The following STARD9 variants were observed in gnomAD, a reference collection of about 807,000 sequenced individuals.
STARD9 encodes StAR related lipid transfer domain containing 9.
STARD9 carries 346 observed loss-of-function variants against 399.8 expected under a neutral mutation model. The observed-to-expected ratio is 0.87, with a 90% CI of 0.79 to 0.95. The LOEUF (loss-of-function observed/expected upper bound fraction) is 0.95. Among genes scored for constraint, STARD9 ranks in the 40% least tolerant of loss-of-function variants. The pLI, the probability that STARD9 is intolerant of heterozygous loss-of-function variation, is 0.00. For missense variants in STARD9, 5,832 were observed against 5,667.5 expected (o/e 1.03, Z -0.93); for synonymous variants, 2,203 against 2,143.5 (o/e 1.03, Z -0.77).
intron 3 of STARD9, among the ~76,000 whole-genome samples, chr15:42,597,540 G>C (rs1299024169): frequency 4.0e-5 from 6 of 151,414 alleles, no homozygotes; most frequent in Admixed American, 4.0e-4. Context: ...GCTAATTTTT[G>C]TTTGTTTGTT....
In STARD9 at chr15:42,719,966, G is replaced by C; in HGVS notation, c.*392G>C. 5.8e-6 allele frequency: 1 copy of C among 173,420 alleles called. No individual in the cohort carries two copies. The highest frequency in any genetic ancestry group is 1.2e-5 in the Non-Finnish European group (1 of 81,854). The allele number at this position is 173,420 out of a possible 1,614,324, so 10.7% of individuals were successfully genotyped here. On this transcript the variant is annotated 3_prime_UTR_variant, in exon 33 of 33. Coordinates refer to ENST00000290607, the MANE Select transcript of STARD9 (RefSeq NM_020759.3). ...GGCAAGGTGCTTCCGCAGGCTGGTAGGGAAGCAGGCAGCCACTGGCCAAGA... is the reference window on the plus strand; with the variant it reads ...GGCAAGGTGCTTCCGCAGGCTGGTACGGAAGCAGGCAGCCACTGGCCAAGA...
chr15:42,586,140 G>C (rs1367906740), intron 3 of STARD9, among the ~76,000 whole-genome samples: 2 of 152,166 alleles, frequency 1.3e-5, no homozygotes, highest in Non-Finnish European at 2.9e-5. Flanking sequence ...GATTCAGGTG[G>C]GTATAAGTTA....
At chr15:42,649,154 C>T (rs1331225287) in intron 7 of STARD9, among the ~76,000 whole-genome samples, 4 of 152,114 alleles carry the variant, frequency 2.6e-5, no homozygotes, top group Admixed American at 6.5e-5. Flanking sequence ...CTTAGCCTCC[C>T]GAGTAGCTGG....
At chr15:42,653,153 G>A (rs981893680) in intron 9 of STARD9, among the ~76,000 whole-genome samples, 1 of 152,110 alleles carries the variant, frequency 6.6e-6, no homozygotes, top group African/African-American at 2.4e-5. Context: ...ATTTTAAAAC[G>A]CTTTCACATC....
chr15:42,693,971 C>T lies in STARD9; in HGVS notation c.12393C>T (p.His4131=), dbSNP rs1396378032. ...QMCMAPEHQH[H]SLRDLPVHNK... The stretch of plus-strand genomic sequence containing the variant: ...GCATGGCCCCTGAGCACCAGCACCA[C>T]AGTCTGAGGGACCTCCCGGTGCATA... Residue 4131 remains histidine (H), a synonymous_variant, in exon 23 of 33, where the codon CAC becomes CAT. Coordinates refer to ENST00000290607, the MANE Select transcript of STARD9 (RefSeq NM_020759.3). 104 of 1,506,428 alleles carry T rather than the reference C, an allele frequency of 6.9e-5. No homozygotes were observed. The highest frequency in any genetic ancestry group is 8.9e-5 in the Non-Finnish European group (101 of 1,129,468). The allele number at this position is 1,506,428 out of a possible 1,614,324, so 93.3% of individuals were successfully genotyped here. A position where few individuals can be genotyped will look rare whatever the true frequency, so the allele number is the denominator to read the frequency against.
chr15:42,675,943 G>C lies in STARD9; in HGVS notation c.1842G>C (p.Arg614=). 7.8e-6 allele frequency: 12 copies of C among 1,536,790 alleles called. No homozygotes were observed. Among genetic ancestry groups the C allele is most frequent in the Non-Finnish European group, 1.0e-5 (12 of 1,146,826 alleles). The change falls in exon 20 of 33, where the codon CGG becomes CGC. Residue 614 remains arginine (R), a synonymous_variant. Coordinates refer to ENST00000290607, the MANE Select transcript of STARD9 (RefSeq NM_020759.3). ...LDLDGDLAAS[R]LGLSPLLWKE... is the part of the protein sequence containing the mutation. ...TGGATGGAGATCTCGCTGCCTCCCG[G>C]CTGGGTCTCTCCCCTTTGCTTTGGA...
Position 42,688,046 on chromosome 15 carries a change from A to G in STARD9, c.6468A>G (p.Glu2156=), listed in dbSNP as rs982697153. Residue 2156 remains glutamate, a synonymous_variant, in exon 23 of 33, where the codon GAA becomes GAG. Transcript: ENST00000290607. ...CCCCAAACCCCTTCAGGTCAAGGGA[A>G]GGTGTACGAGAGAGTGAACCTGTGA... ...KITPNPFRSR[E]GVRESEPVRE... 5 of 1,537,340 alleles carry G rather than the reference A, an allele frequency of 3.3e-6. No homozygotes were observed. The African/African-American group carries it at 5.5e-5, about 17-fold the overall frequency.
Position 42,692,640 on chromosome 15 carries a change from C to T in STARD9, c.11062C>T (p.Leu3688=). The part of the protein sequence containing the change: ...HNLSLHLSQL[L]HSTSELLGSL... Reference sequence around the variant, plus strand: ...TCTGTCTCTCCACCTCTCACAGCTCCTGCACAGTACCTCAGAGCTGCTTGG... The same window carrying T: ...TCTGTCTCTCCACCTCTCACAGCTCTTGCACAGTACCTCAGAGCTGCTTGG... The change falls in exon 23 of 33, where the codon CTG becomes TTG. Residue 3688 remains leucine (L), a synonymous_variant. Coordinates refer to ENST00000290607, the MANE Select transcript of STARD9 (RefSeq NM_020759.3). 2.6e-6 allele frequency: 4 copies of T among 1,537,228 alleles called. No individual in the cohort carries two copies. The highest frequency in any genetic ancestry group is 3.5e-6 in the Non-Finnish European group (4 of 1,146,916).
intron 3 of STARD9, among the ~76,000 whole-genome samples, chr15:42,586,738 T>C (rs1402826215): frequency 2.0e-5 from 3 of 152,144 alleles, no homozygotes; most frequent in East Asian, 1.9e-4. Flanking sequence ...GAAATAGAAA[T>C]ATTTTTGGGG....
At position 42,687,439 on chromosome 15, in the gene STARD9, G is replaced by C. The variant is rs1189999169; in HGVS notation, c.5861G>C (p.Arg1954Pro). 1.3e-6 allele frequency: 2 copies of C among 1,537,184 alleles called. No homozygotes were observed. The highest frequency in any genetic ancestry group is 2.7e-5 in the African/African-American group (2 of 73,176). Residue 1954 changes from arginine to proline, a missense_variant, in exon 23 of 33, where the codon CGT (arginine) becomes CCT (proline). Arg to Pro is a moderately radical substitution (Grantham distance 103, BLOSUM62 -2). This residue lies in a region of STARD9 where 5,828 missense variants were observed against 5,651.1 expected (regional missense o/e 1.03). Coordinates refer to ENST00000290607, the MANE Select transcript of STARD9 (RefSeq NM_020759.3). ...AVSLKSRSVD[R>P]RVSSPVMVAQ... ...TCTTTGAAATCCAGATCAGTAGATC[G>C]TAGAGTAAGCAGCCCAGTGATGGTG...
chr15:42,717,932 A>T (rs958225104), intron 29 of STARD9, 45 bp from the exon 30 acceptor site: 1 of 1,529,282 alleles, frequency 6.5e-7, no homozygotes, highest in African/African-American at 1.4e-5. Context: ...CTTAGAGCCC[A>T]TTTTTGACCC....
chr15:42,718,369 C>A (rs2061390130), intron 30 of STARD9, 66 bp from the exon 31 acceptor site: 2 of 1,382,240 alleles, frequency 1.4e-6, no homozygotes, highest in South Asian at 1.2e-5. Flanking sequence ...GGCTCCCTGA[C>A]CAGGAAGGCT....
At chr15:42,650,878 CTGAA>C in intron 7 of STARD9, 134 bp from the exon 8 acceptor site, 1 of 522,806 alleles carries the variant, frequency 1.9e-6, no homozygotes. Context: ...AATTTATTAT[CTGAA>C]TGAATTTGGC....
At chr15:42,637,820 C>G in intron 4 of STARD9, 87 bp from the exon 5 acceptor site, 10 of 1,372,816 alleles carry the variant, frequency 7.3e-6, no homozygotes, top group Non-Finnish European at 1.0e-5. Context: ...CACTCATCCC[C>G]CATGCTGAGG....
At chr15:42,601,014 G>A (rs2058611595) in intron 3 of STARD9, among the ~76,000 whole-genome samples, 1 of 152,020 alleles carries the variant, frequency 6.6e-6, no homozygotes, top group Admixed American at 6.6e-5. Flanking sequence ...GAGCCCTGCC[G>A]CCTTCAGCAG....
chr15:42,661,927 A>C (rs765261127), intron 10 of STARD9, among the ~76,000 whole-genome samples: 82 of 152,176 alleles, frequency 5.4e-4, no homozygotes, highest in Non-Finnish European at 1.1e-3. Context: ...AATTAGTACA[A>C]CTTTTCTCTT....
chr15:42,685,618 C>T lies in STARD9; in HGVS notation c.4040C>T (p.Pro1347Leu). The T allele has an allele frequency of 1.3e-6, 2 of 1,537,394 alleles. No individual in the cohort carries two copies. The highest frequency in any genetic ancestry group is 1.7e-6 in the Non-Finnish European group (2 of 1,146,952). ...SWFSCDSKIN[P>L]SSPPGIVGSL... ...TTTTCCTGTGACTCTAAGATCAACC[C>T]CAGCAGCCCCCCAGGAATAGTGGGT... Residue 1347 changes from proline (P) to leucine (L), a missense_variant, in exon 23 of 33, where the codon CCC (proline) becomes CTC (leucine). This residue lies in a region of STARD9 where 5,828 missense variants were observed against 5,651.1 expected (regional missense o/e 1.03). Coordinates refer to ENST00000290607, the MANE Select transcript of STARD9 (RefSeq NM_020759.3).
chr15:42,678,107 G>A (rs968497641), intron 20 of STARD9, among the ~76,000 whole-genome samples: 2 of 152,232 alleles, frequency 1.3e-5, no homozygotes, highest in Non-Finnish European at 2.9e-5. Context: ...GTCCTGCCCA[G>A]CTACTGTAGC....
At chr15:42,629,863 A>G (rs1231550979) in intron 3 of STARD9, 1 of 152,196 alleles carries the variant, frequency 6.6e-6, no homozygotes, top group Middle Eastern at 3.4e-3. Context: ...TTTTTCAACA[A>G]TAGTTTAAAT....
Sources: gnomAD v4.1 joint callset for allele counts (sites outside exome capture counted in the v4.1 genomes callset) on GRCh38, gnomAD v4.1.1 for gene constraint, gnomAD v4.1.1 regional missense constraint, MANE v1.5 for transcripts, NCBI Gene and HGNC (gene_info 2026-07-23, HGNC 2026-07-21) for gene names.